The following ZDHHC20 variants were observed in gnomAD, a reference collection of about 807,000 sequenced individuals.
ZDHHC20 encodes zDHHC palmitoyltransferase 20.
Under a neutral mutation model 57.8 loss-of-function variants are expected in ZDHHC20, and 43 were observed. The ratio of observed to expected loss-of-function variants is 0.74; its 90% CI spans 0.58 to 0.96. The LOEUF (loss-of-function observed/expected upper bound fraction) is 0.96. Among genes scored for constraint, ZDHHC20 ranks in the 40% least tolerant of loss-of-function variants. The pLI is 0.00. For synonymous variants in ZDHHC20, 157 were observed against 153.0 expected, an observed-to-expected ratio of 1.03 and a Z score of -0.19; for missense variants, 391 against 441.1, an observed-to-expected ratio of 0.89 and a Z score of 1.02.
intron 6 of ZDHHC20, among the ~76,000 whole-genome samples, chr13:21,400,725 C>A (rs1201954667): frequency 6.6e-6 from 1 of 152,034 alleles, no homozygotes; most frequent in Non-Finnish European, 1.5e-5. Context: ...TAACATGGTA[C>A]ATCTTATGGG....
intron 1 of ZDHHC20, among the ~76,000 whole-genome samples, chr13:21,432,602 G>A (rs934758536): frequency 6.6e-6 from 1 of 152,110 alleles, no homozygotes; most frequent in African/African-American, 2.4e-5. Flanking sequence ...AAAGTGCTGG[G>A]ATTACAGGCA....
At position 21,373,686 on chromosome 13, in the gene ZDHHC20, A is replaced by C. The variant is rs1468931886; in HGVS notation, c.*3010T>G. ...TTATTTTTCTTAAGGTGTCATCACA[A>C]AGTGTTTGAAGGACCAAAGATAGTA... On this transcript the variant is annotated 3_prime_UTR_variant, in exon 13 of 13. Coordinates refer to ENST00000400590, the MANE Select transcript of ZDHHC20 (RefSeq NM_001330059.2). The C allele has an allele frequency of 1.3e-5, 2 of 152,212 alleles. No homozygotes were observed. The highest frequency in any genetic ancestry group is 6.5e-5 in the Admixed American group (1 of 15,276). The allele number at this position is 152,212 out of a possible 1,614,324, so 9.4% of individuals were successfully genotyped here. A position where few individuals can be genotyped will look rare whatever the true frequency, so the allele number is the denominator to read the frequency against.
At chr13:21,426,017 A>G (rs1030943297) in intron 1 of ZDHHC20, among the ~76,000 whole-genome samples, 1 of 152,206 alleles carries the variant, frequency 6.6e-6, no homozygotes, top group Non-Finnish European at 1.5e-5. Context: ...TATGACCCCC[A>G]TAACTTATTT....
At chr13:21,433,682 C>CT (rs1433973602) in intron 1 of ZDHHC20, among the ~76,000 whole-genome samples, 1 of 152,116 alleles carries the variant, frequency 6.6e-6, no homozygotes, top group African/African-American at 2.4e-5. Flanking sequence ...TTTGTTTGTT[C>CT]TGGGAGATCC....
intron 1 of ZDHHC20, among the ~76,000 whole-genome samples, chr13:21,434,575 C>T (rs991655877): frequency 6.6e-6 from 1 of 152,162 alleles, no homozygotes; most frequent in African/African-American, 2.4e-5. Flanking sequence ...CATTGTCATT[C>T]TCTAGCAAAC....
intron 1 of ZDHHC20, among the ~76,000 whole-genome samples, chr13:21,432,508 T>C (rs1432002179): frequency 6.7e-6 from 1 of 148,590 alleles, no homozygotes; most frequent in African/African-American, 2.4e-5. Flanking sequence ...TTTTTTTGTG[T>C]TTTTTAGTAG....
At chr13:21,382,411 C>T (rs1441072590) in intron 10 of ZDHHC20, among the ~76,000 whole-genome samples, 1 of 152,190 alleles carries the variant, frequency 6.6e-6, no homozygotes, top group Non-Finnish European at 1.5e-5. Context: ...GGAACTATTA[C>T]ACTGAATGTA....
intron 7 of ZDHHC20, among the ~76,000 whole-genome samples, chr13:21,392,994 G>A (rs1432328243): frequency 1.3e-5 from 2 of 152,138 alleles, no homozygotes; most frequent in Admixed American, 1.3e-4. Flanking sequence ...CTGCGGCAAA[G>A]CTTGTGCAAA....
chr13:21,434,153 A>G (rs1238548700), intron 1 of ZDHHC20, among the ~76,000 whole-genome samples: 1 of 152,076 alleles, frequency 6.6e-6, no homozygotes, highest in African/African-American at 2.4e-5. Flanking sequence ...AGGAAGATTA[A>G]ATACCTGATA....
chr13:21,428,075 C>T (rs139827056), intron 1 of ZDHHC20, among the ~76,000 whole-genome samples: 8 of 152,178 alleles, frequency 5.3e-5, no homozygotes, highest in African/African-American at 1.7e-4. Flanking sequence ...AAACAGTGTA[C>T]GGCATGGAAC....
At chr13:21,438,655 T>A (rs1453037343) in intron 1 of ZDHHC20, among the ~76,000 whole-genome samples, 5 of 152,356 alleles carry the variant, frequency 3.3e-5, no homozygotes, top group Non-Finnish European at 7.3e-5. Context: ...GAATATTACA[T>A]AAACTTAGTT....
intron 4 of ZDHHC20, among the ~76,000 whole-genome samples, chr13:21,405,773 G>A (rs1197288972): frequency 6.6e-6 from 1 of 152,092 alleles, no homozygotes; most frequent in Non-Finnish European, 1.5e-5. Flanking sequence ...GGAAAAATAT[G>A]GAGACCTATT....
rs1005085738 is a variant in ZDHHC20, at chr13:21,375,056, C to G, written c.*1640G>C. The G allele has an allele frequency of 2.2e-6, 1 of 450,420 alleles. No individual in the cohort carries two copies. The highest frequency in any genetic ancestry group is 2.0e-5 in the African/African-American group (1 of 49,846). The allele number at this position is 450,420 out of a possible 1,614,324, so 27.9% of individuals were successfully genotyped here. A position where few individuals can be genotyped will look rare whatever the true frequency, so the allele number is the denominator to read the frequency against. ...GGCTGAGGCAGGAGACTCTATTGAA[C>G]CTGGAAGGCAGAGGTTGCAGCGAGC... On this transcript the variant is annotated 3_prime_UTR_variant, in exon 13 of 13. Coordinates refer to ENST00000400590, the MANE Select transcript of ZDHHC20 (RefSeq NM_001330059.2).
chr13:21,447,021 C>G (rs1307207628), intron 1 of ZDHHC20, among the ~76,000 whole-genome samples: 2 of 151,978 alleles, frequency 1.3e-5, no homozygotes, highest in Admixed American at 6.6e-5. Flanking sequence ...GAGTAACAAA[C>G]TGGTATTAAT....
intron 2 of ZDHHC20, among the ~76,000 whole-genome samples, chr13:21,425,105 T>C (rs1881102156): frequency 6.6e-6 from 1 of 152,182 alleles, no homozygotes; most frequent in African/African-American, 2.4e-5. Context: ...CAGTGAAATT[T>C]TGAGAGATGA....
At chr13:21,380,806 A>G (rs1245792698) in intron 11 of ZDHHC20, among the ~76,000 whole-genome samples, 3 of 151,582 alleles carry the variant, frequency 2.0e-5, no homozygotes, top group Non-Finnish European at 2.9e-5. Flanking sequence ...AAAAAAAAGA[A>G]TAACGTTGCT....
At chr13:21,430,542 G>T (rs1053723057) in intron 1 of ZDHHC20, among the ~76,000 whole-genome samples, 7 of 151,978 alleles carry the variant, frequency 4.6e-5, no homozygotes, top group Non-Finnish European at 1.0e-4. Flanking sequence ...GGGCAAGCAG[G>T]AGAGGTCTTA....
At chr13:21,441,012 G>A (rs755780978) in intron 1 of ZDHHC20, among the ~76,000 whole-genome samples, 1 of 152,060 alleles carries the variant, frequency 6.6e-6, no homozygotes, top group East Asian at 1.9e-4. Flanking sequence ...AGGCTTTTTG[G>A]TTTAAAATCT....
chr13:21,376,653 C>T lies in ZDHHC20; in HGVS notation c.*43G>A, dbSNP rs888405653. ...AATACCAGTCTATAATGTTTTCATACACCTACAAAAAAAGAAACAAATTAT... is the reference window on the plus strand; with the variant it reads ...AATACCAGTCTATAATGTTTTCATATACCTACAAAAAAAGAAACAAATTAT... On this transcript the variant is annotated splice_region_variant and 3_prime_UTR_variant, in exon 13 of 13. Transcript: ENST00000400590. 8.5e-6 allele frequency: 12 copies of T among 1,411,172 alleles called. No homozygotes were observed. The highest frequency in any genetic ancestry group is 4.1e-5 in the South Asian group (3 of 73,156). 87.4% of individuals were successfully genotyped at this position (1,411,172 alleles called of 1,614,324 possible). A position where few individuals can be genotyped will look rare whatever the true frequency, so the allele number is the denominator to read the frequency against.
Sources: gnomAD v4.1 joint callset for allele counts (sites outside exome capture counted in the v4.1 genomes callset) on GRCh38, gnomAD v4.1.1 for gene constraint, MANE v1.5 for transcripts, NCBI Gene and HGNC (gene_info 2026-07-23, HGNC 2026-07-21) for gene names.